The following ZNF189 variants were observed in gnomAD, a reference collection of about 807,000 sequenced individuals.
ZNF189 encodes zinc finger protein 189.
In ZNF189, 33 loss-of-function variants were observed where a neutral mutation model predicts 53.5. The ratio of observed to expected loss-of-function variants is 0.62; its 90% CI spans 0.47 to 0.82. The LOEUF (loss-of-function observed/expected upper bound fraction) is 0.82. Among genes scored for constraint, ZNF189 ranks in the 40% least tolerant of loss-of-function variants. The pLI, the probability that ZNF189 is intolerant of heterozygous loss-of-function variation, is 0.00. For synonymous variants in ZNF189, 247 were observed against 238.8 expected (o/e 1.03, Z -0.32); for missense variants, 711 against 753.9 (o/e 0.94, Z 0.67).
chr9:101,399,572 T>C, intron 1 of ZNF189: 1 of 1,288,848 alleles, frequency 7.8e-7, no homozygotes, highest in Non-Finnish European at 9.8e-7. Context: ...TTGAATAGAG[T>C]CACAAGCCAG....
At chr9:101,405,775 C>T (rs1285482752) in intron 2 of ZNF189, among the ~76,000 whole-genome samples, 1 of 152,068 alleles carries the variant, frequency 6.6e-6, no homozygotes, top group Admixed American at 6.5e-5. Flanking sequence ...AACATAAGGA[C>T]TGAAACATGC....
At chr9:101,400,873 C>G (rs552809253) in intron 2 of ZNF189, among the ~76,000 whole-genome samples, 4 of 152,202 alleles carry the variant, frequency 2.6e-5, no homozygotes, top group Non-Finnish European at 5.9e-5. Context: ...CAGGCTTTCT[C>G]CCCTTGTGGA....
chr9:101,405,735 G>T (rs1294753364), intron 2 of ZNF189, among the ~76,000 whole-genome samples: 1 of 152,070 alleles, frequency 6.6e-6, no homozygotes, highest in Non-Finnish European at 1.5e-5. Flanking sequence ...AAGAAATAGG[G>T]GTGGTCAACA....
intron 1 of ZNF189, 91 bp downstream of exon 1, chr9:101,399,280 C>A: frequency 7.1e-7 from 1 of 1,414,254 alleles, no homozygotes; most frequent in Non-Finnish European, 9.5e-7. Flanking sequence ...CCCCCACCAA[C>A]CTCCTGACCG....
In ZNF189 at chr9:101,408,113, A is replaced by G. The variant is rs1471641362; in HGVS notation, c.345A>G (p.Leu115=). 9 of 1,614,000 alleles carry G rather than the reference A, an allele frequency of 5.6e-6. No homozygotes were observed. The South Asian group carries it at 6.6e-5, about 12-fold the overall frequency. The stretch of plus-strand genomic sequence containing the variant: ...TAGATAAACAAAGAGGGATCTTCCT[A>G]TGGGAAATACCAAGGGAATCTTTGA... ...GRLDKQRGIF[L]WEIPRESLTQ... The change falls in exon 3 of 3, where the codon CTA becomes CTG. Residue 115 remains leucine (L), a synonymous_variant. Coordinates refer to ENST00000339664, the MANE Select transcript of ZNF189 (RefSeq NM_003452.4).
chr9:101,406,879 G>A (rs1385377257), intron 2 of ZNF189, among the ~76,000 whole-genome samples: 1 of 152,142 alleles, frequency 6.6e-6, no homozygotes, highest in Admixed American at 6.5e-5. Flanking sequence ...ACACATGCAA[G>A]ATTTTCATTT....
intron 2 of ZNF189, among the ~76,000 whole-genome samples, chr9:101,401,702 C>A (rs1830540247): frequency 6.6e-6 from 1 of 152,150 alleles, no homozygotes; most frequent in Non-Finnish European, 1.5e-5. Context: ...CTAATACTCC[C>A]TTTAAATTGT....
intron 2 of ZNF189, among the ~76,000 whole-genome samples, chr9:101,404,725 T>G (rs1423982342): frequency 6.6e-6 from 1 of 152,200 alleles, no homozygotes; most frequent in Non-Finnish European, 1.5e-5. Flanking sequence ...TCTTATTCAT[T>G]TGAATGAAAT....
At position 101,399,174 on chromosome 9, in the gene ZNF189, C is replaced by G; in HGVS notation, c.18C>G (p.Pro6=). The G allele has an allele frequency of 6.3e-7, 1 of 1,595,082 alleles. No homozygotes were observed. The highest frequency in any genetic ancestry group is 1.3e-5 in the African/African-American group (1 of 74,498). The change falls in exon 1 of 3, where the codon CCC becomes CCG. Residue 6 remains proline, a synonymous_variant. Coordinates refer to ENST00000339664, the MANE Select transcript of ZNF189 (RefSeq NM_003452.4). MASPS[P]PPESKGLLTF... ...CCTGGGAGATGGCTTCCCCGAGCCC[C>G]CCGCCGGAGTCGAAGGTAAGTAAGC...
chr9:101,409,384 C>T lies in ZNF189; in HGVS notation c.1616C>T (p.Pro539Leu), dbSNP rs1357264909. 1 of 1,614,102 alleles carries T rather than the reference C, an allele frequency of 6.2e-7. No individual in the cohort carries two copies. Among genetic ancestry groups the T allele is most frequent in the Non-Finnish European group, 8.5e-7 (1 of 1,180,008 alleles). ...RHQGVHTGNK[P>L]HKCDECGKAF... ...CAGGGTGTTCACACAGGTAATAAAC[C>T]CCATAAATGTGATGAATGTGGAAAG... The change falls in exon 3 of 3, where the codon CCC (proline) becomes CTC (leucine). Residue 539 changes from proline to leucine, a missense_variant. Transcript: ENST00000339664.
chr9:101,399,892 G>T lies in ZNF189; in HGVS notation c.42G>T (p.Leu14=). 1.2e-6 allele frequency: 2 copies of T among 1,614,120 alleles called. No homozygotes were observed. The highest frequency in any genetic ancestry group is 1.1e-5 in the South Asian group (1 of 91,056). Residue 14 remains leucine, a synonymous_variant, in exon 2 of 3, where the codon CTG becomes CTT. Coordinates refer to ENST00000339664, the MANE Select transcript of ZNF189 (RefSeq NM_003452.4). ...AAATCATACTATTTCAGGGGTTGCT[G>T]ACATTTGAGGATGTGGCTGTGTTTT... The part of the protein sequence containing the change: ...PSPPPESKGL[L]TFEDVAVFFT...
In ZNF189 at chr9:101,410,378, G is replaced by A. The variant is rs1028018249; in HGVS notation, c.*729G>A. 6.6e-6 allele frequency: 1 copy of A among 152,538 alleles called. No homozygotes were observed. The highest frequency in any genetic ancestry group is 1.5e-5 in the Non-Finnish European group (1 of 68,030). The allele number at this position is 152,538 out of a possible 1,614,324, so 9.4% of individuals were successfully genotyped here. A position where few individuals can be genotyped will look rare whatever the true frequency, so the allele number is the denominator to read the frequency against. On this transcript the variant is annotated 3_prime_UTR_variant, in exon 3 of 3. Transcript: ENST00000339664. ...TGTTCTTTTGTGCCCTCCTACCTGT[G>A]AGAGATATTTGTAGTCCTATGTGAA...
In ZNF189 at chr9:101,399,629, G is replaced by A. The variant is rs940341004; in HGVS notation, c.34-255G>A. 3.1e-6 allele frequency: 4 copies of A among 1,297,044 alleles called. No individual in the cohort carries two copies. The African/African-American group carries it at 4.5e-5, about 15-fold the overall frequency. The allele number at this position is 1,297,044 out of a possible 1,614,324, so 80.3% of individuals were successfully genotyped here. On this transcript the variant is annotated intron_variant, in intron 1 of 2. Coordinates refer to ENST00000339664, the MANE Select transcript of ZNF189 (RefSeq NM_003452.4). The stretch of plus-strand genomic sequence containing the variant: ...GGCAATGAGGTGAGGGAAGCTTGGA[G>A]AGGCCTTGGGGCAGTTTACTAAAAT...
rs1042354826 is a variant in ZNF189, at chr9:101,409,358, T to C, written c.1590T>C (p.His530=). ...GTCAGCTTTGTAATCTTATTCGACATCAGGGTGTTCACACAGGTAATAAAC... is the reference window on the plus strand; with the variant it reads ...GTCAGCTTTGTAATCTTATTCGACACCAGGGTGTTCACACAGGTAATAAAC... The part of the protein sequence containing the change: ...SFSQLCNLIR[H]QGVHTGNKPH... The change falls in exon 3 of 3, where the codon CAT becomes CAC. Residue 530 remains histidine, a synonymous_variant. Coordinates refer to ENST00000339664, the MANE Select transcript of ZNF189 (RefSeq NM_003452.4). 4 of 1,614,034 alleles carry C rather than the reference T, an allele frequency of 2.5e-6. No homozygotes were observed. The highest frequency in any genetic ancestry group is 2.7e-5 in the African/African-American group (2 of 74,920).
rs745895168 is a variant in ZNF189 at position 101,399,170 on chromosome 9, GCC to G, written c.19_20del (p.Pro7AlafsTer10). 132 of 1,592,322 alleles carry G rather than the reference GCC, an allele frequency of 8.3e-5. No homozygotes were observed. Among genetic ancestry groups the G allele is most frequent in the Non-Finnish European group, 1.1e-4 (128 of 1,162,714 alleles). ...TCTGCCTGGGAGATGGCTTCCCCGAGCCCCCCGCCGGAGTCGAAGGTAAGTAA... is the reference window on the plus strand; with the variant it reads ...TCTGCCTGGGAGATGGCTTCCCCGAGCCCCGCCGGAGTCGAAGGTAAGTAA... On this transcript the variant is annotated frameshift_variant, in exon 1 of 3. Transcript: ENST00000339664. LOFTEE classifies it high-confidence loss of function.
In ZNF189 at chr9:101,408,121, T is replaced by C; in HGVS notation, c.353T>C (p.Ile118Thr). 1 of 1,613,916 alleles carries C rather than the reference T, an allele frequency of 6.2e-7. No homozygotes were observed. Among genetic ancestry groups the C allele is most frequent in the South Asian group, 1.1e-5 (1 of 91,054 alleles). ...CAAAGAGGGATCTTCCTATGGGAAATACCAAGGGAATCTTTGACCCAGGAA... is the reference window on the plus strand; with the variant it reads ...CAAAGAGGGATCTTCCTATGGGAAACACCAAGGGAATCTTTGACCCAGGAA... ...DKQRGIFLWE[I>T]PRESLTQEQR... The change falls in exon 3 of 3, where the codon ATA becomes ACA. Residue 118 changes from isoleucine to threonine, a missense_variant. Transcript: ENST00000339664.
At position 101,408,504 on chromosome 9, in the gene ZNF189, A is replaced by G. The variant is rs1228895145; in HGVS notation, c.736A>G (p.Ser246Gly). 6.2e-7 allele frequency: 1 copy of G among 1,614,082 alleles called. No individual in the cohort carries two copies. The highest frequency in any genetic ancestry group is 1.3e-5 in the African/African-American group (1 of 74,944). Residue 246 changes from serine (S) to glycine (G), a missense_variant, in exon 3 of 3, where the codon AGC becomes GGC. Ser to Gly is a moderately conservative substitution (Grantham distance 56). Transcript: ENST00000339664. Reference sequence around the variant, plus strand: ...TAAACAGAGCTTCAGCCAGAGAAGGAGCCTTGTTAAACATCAAAGGATTCA... The same window carrying G: ...TAAACAGAGCTTCAGCCAGAGAAGGGGCCTTGTTAAACATCAAAGGATTCA... ...QCKQSFSQRR[S>G]LVKHQRIHTG...
rs1293420672 is a variant in ZNF189 at position 101,408,078 on chromosome 9, G to A, written c.310G>A (p.Val104Ile). 1.2e-6 allele frequency: 2 copies of A among 1,613,992 alleles called. No homozygotes were observed. Among genetic ancestry groups the A allele is most frequent in the Admixed American group, 1.7e-5 (1 of 59,980 alleles). The change falls in exon 3 of 3, where the codon GTT (valine) becomes ATT (isoleucine). Residue 104 changes from valine to isoleucine, a missense_variant. Transcript: ENST00000339664. ...TATGGGTAGAGAAACATTTGAACTT[G>A]TTGGTAGGTTAGATAAACAAAGAGG... ...DPMGRETFEL[V>I]GRLDKQRGIF...
rs1353805456 is a variant in ZNF189 at position 101,410,396 on chromosome 9, T to C, written c.*747T>C. The C allele has an allele frequency of 1.3e-5, 2 of 152,578 alleles. No individual in the cohort carries two copies. The highest frequency in any genetic ancestry group is 2.9e-5 in the Non-Finnish European group (2 of 68,048). The allele number at this position is 152,578 out of a possible 1,614,324, so 9.5% of individuals were successfully genotyped here. On this transcript the variant is annotated 3_prime_UTR_variant, in exon 3 of 3. Coordinates refer to ENST00000339664, the MANE Select transcript of ZNF189 (RefSeq NM_003452.4). ...TACCTGTGAGAGATATTTGTAGTCC[T>C]ATGTGAATGAGCTTATCCCTCCACA... is the stretch of plus-strand genomic sequence containing the variant.
Sources: allele counts gnomAD v4.1 joint callset (sites outside exome capture counted in the v4.1 genomes callset), GRCh38; gene constraint gnomAD v4.1.1; transcripts MANE v1.5; gene names NCBI Gene and HGNC (gene_info 2026-07-23, HGNC 2026-07-21).